Variants in GRIK3 observed in about 807,000 individuals in gnomAD.
GRIK3 encodes glutamate ionotropic receptor kainate type subunit 3, also known as glutamate receptor ionotropic, kainate 3.
In GRIK3, 29 loss-of-function variants were observed where a neutral mutation model predicts 102.5. The ratio of observed to expected loss-of-function variants is 0.28; its 90% confidence interval spans 0.21 to 0.39. The LOEUF (loss-of-function observed/expected upper bound fraction) is 0.39, where lower values mean the gene tolerates loss of function less well. Among genes scored for constraint, GRIK3 ranks in the 10% least tolerant of loss-of-function variants. The pLI is 1.00. For missense variants in GRIK3, 908 were observed against 1,252.4 expected (o/e 0.73, Z 4.15); for synonymous variants, 511 against 504.9 (o/e 1.01, Z -0.16).
chr1:37,011,924 T>TG (rs1163619911), intron 1 of GRIK3, among the ~76,000 whole-genome samples: 7 of 152,110 alleles, frequency 4.6e-5, no homozygotes, highest in Non-Finnish European at 1.0e-4. Context: ...CAAACCTTTT[T>TG]GGGGGGACGT....
At chr1:36,932,543 C>T (rs1225189583) in intron 1 of GRIK3, among the ~76,000 whole-genome samples, 1 of 152,206 alleles carries the variant, frequency 6.6e-6, no homozygotes, top group East Asian at 1.9e-4. Context: ...ACCACAGAGG[C>T]AACACTCCCA....
Position 36,805,064 on chromosome 1 carries a change from C to A in GRIK3, c.2488G>T (p.Ala830Ser), listed in dbSNP as rs753008196. The part of the protein sequence containing the change: ...KIGGIFIVLA[A>S]GLVLSVLVAV... ...ACCAGCACAGAGAGGACCAGCCCGG[C>A]GGCCAGGACAATGAAGATGCCCCCG... is the stretch of plus-strand genomic sequence containing the variant. Residue 830 changes from alanine to serine, a missense_variant, in exon 15 of 16, where the codon GCC becomes TCC. By Grantham distance (99) the Ala-to-Ser change is moderately conservative. Coordinates refer to ENST00000373091, the MANE Select transcript of GRIK3 (RefSeq NM_000831.4). The A allele has an allele frequency of 6.2e-7, 1 of 1,614,212 alleles. No homozygotes were observed. The highest frequency in any genetic ancestry group is 8.5e-7 in the Non-Finnish European group (1 of 1,180,018).
At chr1:36,908,693 C>G (rs1641311996) in intron 1 of GRIK3, among the ~76,000 whole-genome samples, 1 of 151,990 alleles carries the variant, frequency 6.6e-6, no homozygotes, top group African/African-American at 2.4e-5. Context: ...ATTTGAAGAG[C>G]CAGTTCATTA....
intron 1 of GRIK3, 60 bp downstream of exon 1, chr1:37,033,933 GC>G: frequency 3.3e-6 from 3 of 908,896 alleles, no homozygotes; most frequent in Non-Finnish European, 1.7e-6. Context: ...GCGTTGGGAG[GC>G]CCCCTCATTC....
chr1:36,888,347 C>T (rs1471882776), intron 2 of GRIK3, among the ~76,000 whole-genome samples: 1 of 152,200 alleles, frequency 6.6e-6, no homozygotes, highest in East Asian at 1.9e-4. Flanking sequence ...CAGTGTGGGG[C>T]ACCAGCAGTC....
At chr1:36,853,864 C>T in intron 7 of GRIK3, 142 bp from the exon 8 acceptor site, 1 of 637,668 alleles carries the variant, frequency 1.6e-6, no homozygotes, top group South Asian at 1.9e-5. Context: ...TCACCTCCAT[C>T]ATTGCTCGGG....
At chr1:37,022,064 T>C (rs1470338594) in intron 1 of GRIK3, among the ~76,000 whole-genome samples, 1 of 152,210 alleles carries the variant, frequency 6.6e-6, no homozygotes, top group African/African-American at 2.4e-5. Context: ...GGAGGATGCA[T>C]ATATTCCCAG....
intron 1 of GRIK3, among the ~76,000 whole-genome samples, chr1:37,026,499 C>T (rs916208827): frequency 6.6e-6 from 1 of 152,174 alleles, no homozygotes; most frequent in Non-Finnish European, 1.5e-5. Context: ...GTGGCCCCAC[C>T]CTTGGGGAAC....
chr1:36,978,491 T>G (rs1642217377), intron 1 of GRIK3, among the ~76,000 whole-genome samples: 1 of 152,232 alleles, frequency 6.6e-6, no homozygotes, highest in Admixed American at 6.5e-5. Context: ...CTTCACAAAA[T>G]TCAGTGGCTT....
At chr1:37,012,466 C>T (rs1048185575) in intron 1 of GRIK3, among the ~76,000 whole-genome samples, 9 of 152,196 alleles carry the variant, frequency 5.9e-5, no homozygotes, top group African/African-American at 2.2e-4. Context: ...CAAGACGTTT[C>T]CTGTGCAAGG....
In GRIK3 at chr1:36,995,206, G is replaced by A. The variant is rs542706875; in HGVS notation, c.115+38788C>T. ...CTACACATGAATTTAATAAGCAGAC[G>A]TATACCTGCCACCCCATCAATAATA... On this transcript the variant is annotated intron_variant, in intron 1 of 15. Coordinates refer to ENST00000373091, the MANE Select transcript of GRIK3 (RefSeq NM_000831.4). Among the ~76,000 whole-genome samples, 6 of 152,260 alleles carry A rather than the reference G, an allele frequency of 3.9e-5. No individual in the cohort carries two copies. The East Asian group carries it at 5.8e-4, about 15-fold the overall frequency.
intron 1 of GRIK3, among the ~76,000 whole-genome samples, chr1:36,910,902 A>G (rs1162099665): frequency 6.6e-6 from 1 of 152,208 alleles, no homozygotes; most frequent in African/African-American, 2.4e-5. Context: ...GTGGGGGGGC[A>G]TAACTCAAAA....
intron 1 of GRIK3, among the ~76,000 whole-genome samples, chr1:36,941,424 G>T (rs1641717809): frequency 6.6e-6 from 1 of 152,218 alleles, no homozygotes; most frequent in African/African-American, 2.4e-5. Context: ...TGGAATGTCA[G>T]GGAAAGGGAA....
chr1:36,851,225 A>G (rs1425612942), intron 8 of GRIK3, among the ~76,000 whole-genome samples: 2 of 152,256 alleles, frequency 1.3e-5, no homozygotes, highest in Non-Finnish European at 2.9e-5. Flanking sequence ...AGAGCTGCGC[A>G]GAGCAGACAG....
At chr1:36,851,557 G>A (rs992154928) in intron 8 of GRIK3, among the ~76,000 whole-genome samples, 13 of 152,260 alleles carry the variant, frequency 8.5e-5, no homozygotes, top group African/African-American at 3.1e-4. Flanking sequence ...CATCTGTTCA[G>A]AGGCCACATG....
chr1:36,804,778 G>C (rs1256537211), intron 15 of GRIK3: 5 of 610,986 alleles, frequency 8.2e-6, no homozygotes, highest in Non-Finnish European at 1.4e-5. Flanking sequence ...GGAGGTGATG[G>C]GGCTTGGCCT....
intron 1 of GRIK3, among the ~76,000 whole-genome samples, chr1:36,937,549 C>T (rs1641672687): frequency 6.6e-6 from 1 of 152,152 alleles, no homozygotes; most frequent in African/African-American, 2.4e-5. Flanking sequence ...TGGAGAGAAA[C>T]AACCCCAGAG....
rs571355910 is a variant in GRIK3 at position 37,014,046 on chromosome 1, T to G, written c.115+19948A>C. Among the ~76,000 whole-genome samples, 414 of 152,364 alleles carry G rather than the reference T, an allele frequency of 2.7e-3. 1 individual carries two copies. The highest frequency in any genetic ancestry group is 9.5e-3 in the African/African-American group (394 of 41,584). On this transcript the variant is annotated intron_variant, in intron 1 of 15. Transcript: ENST00000373091. ...GCTCTGTTCCCTCTGCCTGGAGTGC[T>G]CCTGCATTCTTCACAAGGCAGGCTT...
intron 3 of GRIK3, among the ~76,000 whole-genome samples, chr1:36,873,697 C>T (rs1032464954): frequency 1.3e-5 from 2 of 151,996 alleles, no homozygotes; most frequent in Admixed American, 1.3e-4. Context: ...TTCTCCCCCA[C>T]TCTTAGTTTC....
Sources: allele counts gnomAD v4.1 joint callset (sites outside exome capture counted in the v4.1 genomes callset), GRCh38; gene constraint gnomAD v4.1.1; transcripts MANE v1.5; gene names NCBI Gene and HGNC (gene_info 2026-07-23, HGNC 2026-07-21).